The following NCKAP5 variants were observed in gnomAD, a reference collection of about 807,000 sequenced individuals.
The protein encoded by NCKAP5 is NCK associated protein 5.
A neutral mutation model predicts 167.0 loss-of-function variants in NCKAP5; 92 were observed. The observed-to-expected ratio is 0.55, with a 90% CI of 0.47 to 0.66. NCKAP5 has a LOEUF of 0.66. Ranked by LOEUF, NCKAP5 falls within the 30% of genes least tolerant of loss-of-function variation. The pLI is 0.00. For synonymous variants in NCKAP5, 891 were observed against 877.4 expected, an observed-to-expected ratio of 1.02 and a Z score of -0.27; for missense variants, 2,378 against 2,315.0, an observed-to-expected ratio of 1.03 and a Z score of -0.56.
intron 3 of NCKAP5, among the ~76,000 whole-genome samples, chr2:133,366,980 G>A (rs1685493874): frequency 1.3e-5 from 2 of 152,054 alleles, no homozygotes; most frequent in Non-Finnish European, 2.9e-5. Context: ...GACACCAATG[G>A]CCCAAACAGC....
chr2:133,433,886 C>A (rs979970989), intron 3 of NCKAP5: 1 of 152,184 alleles, frequency 6.6e-6, no homozygotes, highest in Admixed American at 6.5e-5. Context: ...ATCTATCTAA[C>A]TTCTTTAAGT....
chr2:132,989,558 G>T (rs2077391962), intron 7 of NCKAP5, among the ~76,000 whole-genome samples: 1 of 152,124 alleles, frequency 6.6e-6, no homozygotes, highest in African/African-American at 2.4e-5. Flanking sequence ...CTGCACATAT[G>T]ACAATATTTC....
chr2:133,021,399 T>TTCCA lies in NCKAP5; in HGVS notation c.342-27164_342-27161dup, dbSNP rs1452728560. On this transcript the variant is annotated intron_variant, in intron 6 of 19. Coordinates refer to ENST00000409261, the MANE Select transcript of NCKAP5 (RefSeq NM_207363.3). ...GTGGAATGGGAAAAAATAGATATTC[T>TTCCA]TCCACTTCAAATTTTTCCTGGGGCT... is the stretch of plus-strand genomic sequence containing the variant. Among the ~76,000 whole-genome samples, 9 of 152,288 alleles carry TTCCA rather than the reference T, an allele frequency of 5.9e-5. 1 individual carries two copies. Among genetic ancestry groups the TTCCA allele is most frequent in the Admixed American group, 5.9e-4 (9 of 15,312 alleles).
At chr2:133,171,876 T>C (rs147701235) in intron 5 of NCKAP5, among the ~76,000 whole-genome samples, 2 of 152,166 alleles carry the variant, frequency 1.3e-5, no homozygotes, top group African/African-American at 4.8e-5. Context: ...AATATATACA[T>C]GGATATAGGG....
At chr2:133,647,351 GA>G in the NCKAP5 span, among the ~76,000 whole-genome samples, 1 of 119,890 alleles carries the variant, frequency 8.3e-6, no homozygotes, top group Admixed American at 9.8e-5. Context: ...GGAAAGAAAG[GA>G]AAGAAAGGAA....
intron 9 of NCKAP5, among the ~76,000 whole-genome samples, chr2:132,874,103 A>ATT (rs4057987): frequency 3.0e-3 from 345 of 113,116 alleles, no homozygotes; most frequent in Non-Finnish European, 3.7e-3. Flanking sequence ...CAAGACCTTG[A>ATT]TTTTTTTTTT....
chr2:133,469,785 T>C (rs75341802), intron 3 of NCKAP5, among the ~76,000 whole-genome samples: 32,790 of 151,130 alleles, frequency 0.22, 3,913 homozygotes, highest in East Asian at 0.4. Context: ...TGATACCCTT[T>C]CTTCCAGTTG....
the NCKAP5 span, among the ~76,000 whole-genome samples, chr2:133,642,254 C>T: frequency 1.3e-5 from 2 of 152,282 alleles, no homozygotes; most frequent in East Asian, 3.9e-4. Context: ...GGATCACCTC[C>T]ATGACACAAA....
intron 2 of NCKAP5, among the ~76,000 whole-genome samples, chr2:133,557,638 C>G (rs1396867020): frequency 1.3e-5 from 2 of 152,190 alleles, no homozygotes; most frequent in Non-Finnish European, 2.9e-5. Flanking sequence ...CATGCAGAAA[C>G]TATTTAATCA....
At chr2:132,723,722 A>T (rs1690178208) in intron 19 of NCKAP5, among the ~76,000 whole-genome samples, 1 of 152,122 alleles carries the variant, frequency 6.6e-6, no homozygotes, top group Non-Finnish European at 1.5e-5. Context: ...TCGTTGAGGG[A>T]GGTCACTTAG....
chr2:133,169,009 T>C (rs2084124551), intron 5 of NCKAP5, among the ~76,000 whole-genome samples: 1 of 152,132 alleles, frequency 6.6e-6, no homozygotes, highest in Non-Finnish European at 1.5e-5. Context: ...TCGTTCTCCA[T>C]CACTGTCCTT....
intron 10 of NCKAP5, among the ~76,000 whole-genome samples, chr2:132,863,309 C>A (rs1457606193): frequency 1.3e-5 from 2 of 152,016 alleles, no homozygotes; most frequent in Non-Finnish European, 2.9e-5. Flanking sequence ...AAAACACAAT[C>A]ATCCTCATTT....
intron 3 of NCKAP5, among the ~76,000 whole-genome samples, chr2:133,411,137 T>C (rs950379820): frequency 3.9e-5 from 6 of 152,232 alleles, no homozygotes; most frequent in African/African-American, 1.4e-4. Flanking sequence ...AGGATCATAA[T>C]GATCCATCTT....
chr2:133,630,559 T>C, the NCKAP5 span, among the ~76,000 whole-genome samples: 2 of 151,968 alleles, frequency 1.3e-5, no homozygotes, highest in South Asian at 2.1e-4. Flanking sequence ...TTTACCTACA[T>C]AACAAACTTG....
chr2:132,996,702 ATCTC>A (rs534520762), intron 6 of NCKAP5, among the ~76,000 whole-genome samples: 105 of 152,356 alleles, frequency 6.9e-4, no homozygotes, highest in African/African-American at 2.5e-3. Context: ...TTTCTAATGT[ATCTC>A]TCTCAACTGT....
At chr2:133,102,919 G>A (rs976471440) in intron 6 of NCKAP5, among the ~76,000 whole-genome samples, 18 of 152,146 alleles carry the variant, frequency 1.2e-4, no homozygotes, top group Non-Finnish European at 2.1e-4. Context: ...GGAGACTTTC[G>A]AAATGCCACC....
At position 133,079,529 on chromosome 2, in the gene NCKAP5, C is replaced by G. The variant is rs72842442; in HGVS notation, c.341+50449G>C. 5.6e-3 allele frequency among the ~76,000 whole-genome samples: 854 copies of G among 152,260 alleles called. 3 individuals are homozygous for G. The highest frequency in any genetic ancestry group is 1.0e-2 in the Non-Finnish European group (679 of 67,984). On this transcript the variant is annotated intron_variant, in intron 6 of 19. Coordinates refer to ENST00000409261, the MANE Select transcript of NCKAP5 (RefSeq NM_207363.3). Reference sequence around the variant, plus strand: ...CCCAGTAGAAAGTAATCCTAAACATCTTTTCATGGGAGCCATCTTTTATTG... The same window carrying G: ...CCCAGTAGAAAGTAATCCTAAACATGTTTTCATGGGAGCCATCTTTTATTG...
chr2:133,222,410 T>G (rs2086694994), intron 4 of NCKAP5, among the ~76,000 whole-genome samples: 1 of 129,544 alleles, frequency 7.7e-6, no homozygotes, highest in African/African-American at 2.5e-5. Flanking sequence ...GACATCTGGA[T>G]TATCATATTT....
chr2:133,390,805 C>G (rs1687347311), intron 3 of NCKAP5, among the ~76,000 whole-genome samples: 1 of 152,170 alleles, frequency 6.6e-6, no homozygotes, highest in Non-Finnish European at 1.5e-5. Flanking sequence ...GGGAGTGGGA[C>G]TTGGTCACGG....
Sources: allele counts gnomAD v4.1 joint callset (sites outside exome capture counted in the v4.1 genomes callset), GRCh38; gene constraint gnomAD v4.1.1; transcripts MANE v1.5; gene names NCBI Gene and HGNC (gene_info 2026-07-23, HGNC 2026-07-21).